The following COL15A1 variants were observed in gnomAD, a reference collection of about 807,000 sequenced individuals.
COL15A1 encodes the protein collagen type XV alpha 1 chain, also known as collagen alpha-1(XV) chain.
A neutral mutation model predicts 165.9 loss-of-function variants in COL15A1; 111 were observed. That is an observed-to-expected ratio of 0.67 (90% confidence interval 0.57 to 0.78). COL15A1 has a LOEUF of 0.78. Ranked by LOEUF, COL15A1 falls within the 30% of genes least tolerant of loss-of-function variation. COL15A1 has a pLI of 0.00. For synonymous variants in COL15A1, 659 were observed against 674.8 expected (o/e 0.98, Z 0.36); for missense variants, 1,745 against 1,789.7 (o/e 0.98, Z 0.45).
At chr9:99,038,299 A>G (rs115569956) in intron 21 of COL15A1, among the ~76,000 whole-genome samples, 1 of 152,324 alleles carries the variant, frequency 6.6e-6, no homozygotes, top group African/African-American at 2.4e-5. Flanking sequence ...GGCCGAGTGA[A>G]AAAAGCAAGT....
Position 98,974,181 on chromosome 9 carries a change from C to T in COL15A1, c.101-11384C>T, listed in dbSNP as rs1445727748. On this transcript the variant is annotated intron_variant, in intron 2 of 41. Coordinates refer to ENST00000375001, the MANE Select transcript of COL15A1 (RefSeq NM_001855.5). ...CAACATGAGAAAGGACTTCCGAAGA[C>T]TTCGAATTGTGCAGCAATGGTCAGG... 7.9e-5 allele frequency among the ~76,000 whole-genome samples: 12 copies of T among 152,166 alleles called. 1 individual carries two copies. Among genetic ancestry groups the T allele is most frequent in the Admixed American group, 7.9e-4 (12 of 15,284 alleles).
At position 98,997,027 on chromosome 9, in the gene COL15A1, G is replaced by A; in HGVS notation, c.898G>A (p.Gly300Arg). 1 of 1,614,114 alleles carries A rather than the reference G, an allele frequency of 6.2e-7. No individual in the cohort carries two copies. Among genetic ancestry groups the A allele is most frequent in the East Asian group, 2.2e-5 (1 of 44,890 alleles). ...ACTTTCTGGTGAACCTGTACCCGAG[G>A]GGACCCTGGAAACCACCAACATGAG... The part of the protein sequence containing the change: ...MELSGEPVPE[G>R]TLETTNMSII... The change falls in exon 6 of 42, where the codon GGG becomes AGG. Residue 300 changes from glycine to arginine, a missense_variant. By Grantham distance (125) the Gly-to-Arg change is moderately radical. Transcript: ENST00000375001.
chr9:99,012,532 A>G (rs1408221542), intron 9 of COL15A1, among the ~76,000 whole-genome samples: 4 of 152,194 alleles, frequency 2.6e-5, no homozygotes, highest in Non-Finnish European at 4.4e-5. Flanking sequence ...TTATAGTTGC[A>G]GATCGACTTT....
At chr9:98,994,872 G>T (rs1389297020) in intron 5 of COL15A1, among the ~76,000 whole-genome samples, 1 of 152,092 alleles carries the variant, frequency 6.6e-6, no homozygotes, top group African/African-American at 2.4e-5. Context: ...ACTCCTGAGG[G>T]TCAATTCACC....
chr9:99,070,352 T>C lies in COL15A1; in HGVS notation c.*466T>C. On this transcript the variant is annotated 3_prime_UTR_variant, in exon 42 of 42. Transcript: ENST00000375001. ...TTCACGTACATCCATCATTTGCAACTGCTGTTCGTACACAGAAACAGGACT... is the reference window on the plus strand; with the variant it reads ...TTCACGTACATCCATCATTTGCAACCGCTGTTCGTACACAGAAACAGGACT... The C allele has an allele frequency of 4.2e-6, 1 of 237,916 alleles. No homozygotes were observed. Among genetic ancestry groups the C allele is most frequent in the Non-Finnish European group, 8.5e-6 (1 of 117,942 alleles). 14.7% of individuals were successfully genotyped at this position (237,916 alleles called of 1,614,324 possible).
rs780618740 is a variant in COL15A1, at chr9:99,025,938, C to A, written c.2015C>A (p.Thr672Asn). 9.9e-5 allele frequency: 159 copies of A among 1,612,752 alleles called. No homozygotes were observed. In the East Asian group the frequency reaches 3.4e-3, roughly 34 times the overall value. Residue 672 changes from threonine to asparagine, a missense_variant, in exon 16 of 42, where the codon ACC becomes AAC. Thr to Asn is a moderately conservative substitution (Grantham distance 65). Transcript: ENST00000375001. The part of the protein sequence containing the change: ...PEGQPGVDGA[T>N]GLPGMKGEKG... ...GGACAGCCTGGAGTTGATGGAGCCA[C>A]CGGCCTTCCCGGGATGAAAGGGGAG...
At chr9:98,971,077 TC>T (rs1838042598) in intron 2 of COL15A1, among the ~76,000 whole-genome samples, 1 of 152,180 alleles carries the variant, frequency 6.6e-6, no homozygotes, top group Admixed American at 6.5e-5. Context: ...TGCTAAGGCC[TC>T]CTGTATCCTC....
At chr9:99,061,820 A>G in intron 36 of COL15A1, 151 bp from the exon 37 acceptor site, 2 of 640,526 alleles carry the variant, frequency 3.1e-6, no homozygotes, top group Non-Finnish European at 5.1e-6. Flanking sequence ...GTTACTAATG[A>G]AGGTATATAC....
chr9:98,966,242 C>T lies in COL15A1; in HGVS notation c.101-19323C>T, dbSNP rs536484635. On this transcript the variant is annotated intron_variant, in intron 2 of 41. Transcript: ENST00000375001. Reference sequence around the variant, plus strand: ...ATGCCAAAGAAATCAAGAAACACCCCAGGCCATGTTTCACTTAGAGAAAGA... The same window carrying T: ...ATGCCAAAGAAATCAAGAAACACCCTAGGCCATGTTTCACTTAGAGAAAGA... 3.3e-5 allele frequency among the ~76,000 whole-genome samples: 5 copies of T among 152,310 alleles called. No homozygotes were observed. The South Asian group carries it at 1.0e-3, about 32-fold the overall frequency.
intron 2 of COL15A1, among the ~76,000 whole-genome samples, chr9:98,971,374 A>G (rs1410581983): frequency 6.6e-6 from 1 of 151,896 alleles, no homozygotes; most frequent in East Asian, 1.9e-4. Context: ...GGTGGGGGTG[A>G]TGACTCATTT....
chr9:98,998,151 A>T (rs1838580813), intron 6 of COL15A1, among the ~76,000 whole-genome samples: 1 of 152,260 alleles, frequency 6.6e-6, no homozygotes, highest in Admixed American at 6.5e-5. Context: ...TGTATTAGAT[A>T]CATCACATAT....
chr9:98,966,750 G>A (rs567593820), intron 2 of COL15A1, among the ~76,000 whole-genome samples: 18 of 151,906 alleles, frequency 1.2e-4, no homozygotes, highest in Non-Finnish European at 2.4e-4. Context: ...GGGGATTGCA[G>A]CCCCCAGCAA....
chr9:99,062,904 C>G lies in COL15A1; in HGVS notation c.3592-146C>G, dbSNP rs949433184. The G allele has an allele frequency of 4.3e-6, 4 of 934,080 alleles. No individual in the cohort carries two copies. In the African/African-American group the frequency reaches 5.3e-5, roughly 12 times the overall value. The allele number at this position is 934,080 out of a possible 1,614,324, so 57.9% of individuals were successfully genotyped here. A position where few individuals can be genotyped will look rare whatever the true frequency, so the allele number is the denominator to read the frequency against. On this transcript the variant is annotated intron_variant, in intron 38 of 41. Coordinates refer to ENST00000375001, the MANE Select transcript of COL15A1 (RefSeq NM_001855.5). Reference sequence around the variant, plus strand: ...GATTTCTTCAGCAGGTCATGAAACTCTTTACAGTTAAGAGTCACAGTTACA... The same window carrying G: ...GATTTCTTCAGCAGGTCATGAAACTGTTTACAGTTAAGAGTCACAGTTACA...
At chr9:99,038,823 C>A in intron 22 of COL15A1, 90 bp downstream of exon 22, 1 of 784,516 alleles carries the variant, frequency 1.3e-6, no homozygotes, top group Admixed American at 1.9e-5. Context: ...CTTTTAGCTC[C>A]TGAAGCGTAG....
intron 2 of COL15A1, among the ~76,000 whole-genome samples, chr9:98,982,753 C>T (rs1425689093): frequency 6.6e-6 from 1 of 152,028 alleles, no homozygotes; most frequent in African/African-American, 2.4e-5. Flanking sequence ...GCAATCCTGC[C>T]ACCTCAACCT....
chr9:99,068,720 G>A, intron 41 of COL15A1, 50 bp downstream of exon 41: 1 of 1,102,598 alleles, frequency 9.1e-7, no homozygotes, highest in Non-Finnish European at 1.3e-6. Flanking sequence ...TAGTTTTAGG[G>A]GGCATCCTAA....
intron 2 of COL15A1, among the ~76,000 whole-genome samples, chr9:98,958,735 C>T (rs996350884): frequency 5.9e-5 from 9 of 152,116 alleles, no homozygotes; most frequent in Admixed American, 2.0e-4. Flanking sequence ...TTCATTTTCT[C>T]GGCGGAGGGA....
intron 9 of COL15A1, among the ~76,000 whole-genome samples, chr9:99,008,350 GC>G (rs1413396026): frequency 6.6e-6 from 1 of 152,014 alleles, no homozygotes. Context: ...TATGAGGCCA[GC>G]TTTCCCAAGG....
chr9:99,058,144 G>A (rs1454432776), intron 35 of COL15A1, among the ~76,000 whole-genome samples: 3 of 152,180 alleles, frequency 2.0e-5, no homozygotes, highest in African/African-American at 7.2e-5. Context: ...TCTGCACAGC[G>A]GGAAATATGG....
Sources: allele counts gnomAD v4.1 joint callset (sites outside exome capture counted in the v4.1 genomes callset), GRCh38; gene constraint gnomAD v4.1.1; transcripts MANE v1.5; gene names NCBI Gene and HGNC (gene_info 2026-07-23, HGNC 2026-07-21).